Variants in NXPE2 observed in about 807,000 individuals in gnomAD.
NXPE2 encodes the protein NXPE family member 2.
A neutral mutation model predicts 34.4 loss-of-function variants in NXPE2; 34 were observed. The observed-to-expected ratio is 0.99, with a 90% CI of 0.75 to 1.31. NXPE2 has a LOEUF of 1.31. Among genes scored for constraint, NXPE2 ranks in the 40% most tolerant of loss-of-function variants. NXPE2 has a pLI of 0.00. For synonymous variants in NXPE2, 235 were observed against 231.3 expected, an observed-to-expected ratio of 1.02 and a Z score of -0.15; for missense variants, 649 against 672.5, an observed-to-expected ratio of 0.97 and a Z score of 0.39.
At chr11:114,641,582 G>C in the NXPE2 span, among the ~76,000 whole-genome samples, 3 of 152,048 alleles carry the variant, frequency 2.0e-5, no homozygotes, top group Non-Finnish European at 4.4e-5. Flanking sequence ...AATGTGCTAG[G>C]TGTCCAAGTC....
At chr11:114,647,675 A>T in the NXPE2 span, among the ~76,000 whole-genome samples, 4 of 151,554 alleles carry the variant, frequency 2.6e-5, no homozygotes, top group Admixed American at 6.6e-5. Context: ...TCTTTCTCTC[A>T]ATCAGTATTT....
At chr11:114,800,888 C>T in the NXPE2 span, among the ~76,000 whole-genome samples, 1 of 152,200 alleles carries the variant, frequency 6.6e-6, no homozygotes, top group East Asian at 1.9e-4. Flanking sequence ...ATCATTGTTG[C>T]TGCTGTTGTT....
the NXPE2 span, among the ~76,000 whole-genome samples, chr11:114,651,762 T>C: frequency 6.6e-6 from 1 of 152,266 alleles, no homozygotes; most frequent in South Asian, 2.1e-4. Context: ...TTTTACAGAG[T>C]GCTGATTGGT....
At chr11:114,811,337 AT>A in the NXPE2 span, among the ~76,000 whole-genome samples, 1 of 45,612 alleles carries the variant, frequency 2.2e-5, no homozygotes, top group Non-Finnish European at 5.9e-5. Flanking sequence ...AAGTATAATA[AT>A]AATAAAATAA....
chr11:114,658,182 C>A, the NXPE2 span, among the ~76,000 whole-genome samples: 2 of 152,168 alleles, frequency 1.3e-5, no homozygotes, highest in Non-Finnish European at 2.9e-5. Flanking sequence ...ACAGGCCAAC[C>A]ATCTAGCTTA....
intron 2 of NXPE2, among the ~76,000 whole-genome samples, chr11:114,689,952 C>A (rs1951119870): frequency 1.3e-5 from 2 of 152,056 alleles, no homozygotes; most frequent in South Asian, 2.1e-4. Flanking sequence ...TCTTTCTCCA[C>A]CCCTTTACTA....
chr11:114,625,854 C>A, the NXPE2 span, among the ~76,000 whole-genome samples: 1 of 152,124 alleles, frequency 6.6e-6, no homozygotes, highest in African/African-American at 2.4e-5. Context: ...GAGGCATTGC[C>A]TCACTCGGGA....
the NXPE2 span, among the ~76,000 whole-genome samples, chr11:114,601,635 A>C: frequency 1.2e-5 from 1 of 80,638 alleles, no homozygotes; most frequent in East Asian, 3.8e-4. Flanking sequence ...TATTATTTAT[A>C]ATTATATATA....
intron 2 of NXPE2, among the ~76,000 whole-genome samples, chr11:114,692,356 T>C (rs1951169429): frequency 6.6e-6 from 1 of 152,160 alleles, no homozygotes; most frequent in African/African-American, 2.4e-5. Flanking sequence ...GCTGTGTGGG[T>C]GCACCCATTC....
chr11:114,782,469 A>G, the NXPE2 span, among the ~76,000 whole-genome samples: 595 of 152,354 alleles, frequency 3.9e-3, 5 homozygotes, highest in Admixed American at 0.019. Context: ...GTAAGTAAAT[A>G]AGTTGTTTAA....
chr11:114,639,413 C>T, the NXPE2 span, among the ~76,000 whole-genome samples: 15 of 151,964 alleles, frequency 9.9e-5, no homozygotes, highest in South Asian at 8.3e-4. Context: ...TGACCCCTTG[C>T]GCTTCCTGAG....
At chr11:114,709,816 C>T (rs185144894), downstream of NXPE2, among the ~76,000 whole-genome samples, 41 of 151,884 alleles carry the variant, frequency 2.7e-4, no homozygotes, top group African/African-American at 4.8e-4. Flanking sequence ...GCAGGAGAAT[C>T]GCTTGAACCC....
At chr11:114,801,155 T>G in the NXPE2 span, among the ~76,000 whole-genome samples, 1 of 152,322 alleles carries the variant, frequency 6.6e-6, no homozygotes, top group Non-Finnish European at 1.5e-5. Flanking sequence ...GGTGCTTACA[T>G]TCTAGTAGAA....
chr11:114,580,384 C>CATA, the NXPE2 span: 4 of 1,542,504 alleles, frequency 2.6e-6, no homozygotes, highest in Admixed American at 3.3e-5. Context: ...CATCAAATTA[C>CATA]CCGTCAGTAT....
chr11:114,536,445 A>G, the NXPE2 span, among the ~76,000 whole-genome samples: 1 of 152,216 alleles, frequency 6.6e-6, no homozygotes, highest in Non-Finnish European at 1.5e-5. Flanking sequence ...AGCAGGACTG[A>G]AGGAAATAGA....
the NXPE2 span, among the ~76,000 whole-genome samples, chr11:114,480,167 C>T: frequency 6.6e-6 from 1 of 152,060 alleles, no homozygotes; most frequent in Admixed American, 6.6e-5. Flanking sequence ...CCAAACCATA[C>T]CACTGCCCAA....
At chr11:114,782,421 T>G in the NXPE2 span, among the ~76,000 whole-genome samples, 3 of 152,206 alleles carry the variant, frequency 2.0e-5, no homozygotes, top group African/African-American at 7.2e-5. Context: ...TCAGGAAATC[T>G]TCTTGGAAAA....
At chr11:114,571,250 G>A in the NXPE2 span, 1 of 1,614,032 alleles carries the variant, frequency 6.2e-7, no homozygotes, top group Non-Finnish European at 8.5e-7. Flanking sequence ...CAATGGGAAA[G>A]GGTCTGAAAT....
At chr11:114,471,958 A>G in the NXPE2 span, among the ~76,000 whole-genome samples, 1 of 152,226 alleles carries the variant, frequency 6.6e-6, no homozygotes, top group African/African-American at 2.4e-5. Flanking sequence ...AATTAGGGGT[A>G]ACTCCCACTT....
Sources: allele counts gnomAD v4.1 joint callset (sites outside exome capture counted in the v4.1 genomes callset), GRCh38; gene constraint gnomAD v4.1.1; transcripts MANE v1.5; gene names NCBI Gene and HGNC (gene_info 2026-07-23, HGNC 2026-07-21).